OTUD7B: variants seen among roughly 807,000 people sequenced by gnomAD.
OTUD7B encodes OTU domain-containing protein 7B.
In OTUD7B, 34 loss-of-function variants were observed where a neutral mutation model predicts 82.2. That is an observed-to-expected ratio of 0.41 (90% CI 0.31 to 0.55). The LOEUF (loss-of-function observed/expected upper bound fraction) is 0.55, where lower values mean the gene tolerates loss of function less well. OTUD7B is among the 20% of genes least tolerant of loss of function. OTUD7B has a pLI of 0.20. For synonymous variants in OTUD7B, 398 were observed against 402.7 expected (o/e 0.99, Z 0.14); for missense variants, 944 against 1,062.1 (o/e 0.89, Z 1.55).
At chr1:150,037,413 C>A in the OTUD7B span, among the ~76,000 whole-genome samples, 1 of 152,046 alleles carries the variant, frequency 6.6e-6, no homozygotes, top group African/African-American at 2.4e-5. Context: ...AGAAAAGATA[C>A]ACGACATTTT....
intron 1 of OTUD7B, among the ~76,000 whole-genome samples, chr1:150,003,249 C>CA (rs11297514): frequency 0.69 from 81,431 of 117,540 alleles, 27,390 homozygotes; most frequent in Non-Finnish European, 0.74. Flanking sequence ...GACTCTGTCT[C>CA]AAAAAAAAAA....
At chr1:149,956,960 T>C (rs1016533630) in intron 7 of OTUD7B, among the ~76,000 whole-genome samples, 1 of 152,200 alleles carries the variant, frequency 6.6e-6, no homozygotes. Flanking sequence ...GGTTTTTAGC[T>C]TCTTTGCGAT....
chr1:150,010,095 G>A (rs183852759), intron 1 of OTUD7B, among the ~76,000 whole-genome samples: 6 of 152,118 alleles, frequency 3.9e-5, no homozygotes, highest in African/African-American at 1.4e-4. Context: ...TCCTACTGTG[G>A]GGATAATACA....
upstream of OTUD7B, among the ~76,000 whole-genome samples, chr1:150,012,127 G>T (rs1329101414): frequency 6.6e-6 from 1 of 152,156 alleles, no homozygotes; most frequent in Non-Finnish European, 1.5e-5. Context: ...AGCGTATAAG[G>T]GACCACAAAT....
At chr1:150,065,189 A>G in the OTUD7B span, among the ~76,000 whole-genome samples, 1 of 151,888 alleles carries the variant, frequency 6.6e-6, no homozygotes, top group African/African-American at 2.4e-5. Flanking sequence ...CTCCCATCTC[A>G]GCCTCCCAAG....
chr1:150,013,989 CATAT>C (rs1469027906), upstream of OTUD7B, among the ~76,000 whole-genome samples: 3 of 129,718 alleles, frequency 2.3e-5, no homozygotes, highest in Non-Finnish European at 5.0e-5. Flanking sequence ...TATACACACA[CATAT>C]ATACACACAT....
At chr1:150,028,033 T>C in the OTUD7B span, among the ~76,000 whole-genome samples, 1 of 152,224 alleles carries the variant, frequency 6.6e-6, no homozygotes, top group African/African-American at 2.4e-5. Context: ...TTCCCTTAAA[T>C]AGGAAAATTA....
At chr1:150,054,113 AAGG>A in the OTUD7B span, 5 of 378,560 alleles carry the variant, frequency 1.3e-5, no homozygotes, top group African/African-American at 2.1e-5. Flanking sequence ...TGAAAAGCAA[AAGG>A]AGAAGTTTCC....
the OTUD7B span, among the ~76,000 whole-genome samples, chr1:150,016,927 T>A: frequency 1.3e-5 from 2 of 152,144 alleles, no homozygotes; most frequent in African/African-American, 2.4e-5. Flanking sequence ...GTCTCCCCTG[T>A]CTCTAAGTTT....
chr1:150,032,043 G>A, the OTUD7B span, among the ~76,000 whole-genome samples: 1 of 152,152 alleles, frequency 6.6e-6, no homozygotes, highest in African/African-American at 2.4e-5. Flanking sequence ...AGGCACGGTG[G>A]CTCATGCCTG....
At position 149,944,591 on chromosome 1, in the gene OTUD7B, T is replaced by C. The variant is rs782741689; in HGVS notation, c.1798A>G (p.Arg600Gly). The change falls in exon 12 of 12, where the codon AGG becomes GGG. Residue 600 changes from arginine to glycine, a missense_variant. Physicochemically the swap from Arg to Gly is moderately radical, Grantham distance 125. Around this residue, in one of 3 missense-constraint regions of OTUD7B, gnomAD observed 412 missense variants for 418.7 expected, o/e 0.98. Coordinates refer to ENST00000581312, the MANE Select transcript of OTUD7B (RefSeq NM_020205.4). ...TTCCCCTCCCCTTGCATGGCAGTCCTCAGAATGCTCAGGCTCTGCATCACC... is the reference window on the plus strand; with the variant it reads ...TTCCCCTCCCCTTGCATGGCAGTCCCCAGAATGCTCAGGCTCTGCATCACC... ...QEVMQSLSIL[R>G]TAMQGEGKFI... is the part of the protein sequence containing the mutation. 5.6e-6 allele frequency: 9 copies of C among 1,614,128 alleles called. No homozygotes were observed. Among genetic ancestry groups the C allele is most frequent in the Non-Finnish European group, 7.6e-6 (9 of 1,180,024 alleles).
chr1:150,013,991 T>C (rs180907072), upstream of OTUD7B, among the ~76,000 whole-genome samples: 738 of 123,268 alleles, frequency 6.0e-3, 19 homozygotes, highest in African/African-American at 0.021. Context: ...TACACACACA[T>C]ATATACACAC....
chr1:149,958,220 G>A (rs73008186), intron 7 of OTUD7B, among the ~76,000 whole-genome samples: 3,184 of 151,892 alleles, frequency 0.021, 90 homozygotes, highest in African/African-American at 0.07. Flanking sequence ...CCCCCATCAC[G>A]GGGCTACCAC....
At chr1:150,043,833 A>G in the OTUD7B span, among the ~76,000 whole-genome samples, 22,753 of 152,228 alleles carry the variant, frequency 0.15, 1,877 homozygotes, top group African/African-American at 0.18. Context: ...GCCTGAGGCT[A>G]GGCACTATGG....
At chr1:150,027,850 A>T in the OTUD7B span, among the ~76,000 whole-genome samples, 1 of 152,016 alleles carries the variant, frequency 6.6e-6, no homozygotes, top group Non-Finnish European at 1.5e-5. Context: ...TAGAATAATT[A>T]AAAAACTGAC....
At chr1:149,951,667 C>G (rs1252223796) in intron 7 of OTUD7B, among the ~76,000 whole-genome samples, 1 of 152,136 alleles carries the variant, frequency 6.6e-6, no homozygotes, top group Non-Finnish European at 1.5e-5. Context: ...TGGGCCTTAC[C>G]TCTGTCCAAC....
rs183196048 is a variant in OTUD7B, at chr1:149,987,124, C to T, written c.-66-9548G>A. Among the ~76,000 whole-genome samples the T allele has an allele frequency of 1.1e-4, 16 of 152,324 alleles. No individual in the cohort carries two copies. In the East Asian group the frequency reaches 2.9e-3, roughly 28 times the overall value. On this transcript the variant is annotated intron_variant, in intron 1 of 11. Transcript: ENST00000581312. ...AGAACTTGGTATTGTTACTCCACAT[C>T]ACAGATGAAGATACTAAAGCTCACA...
the OTUD7B span, among the ~76,000 whole-genome samples, chr1:150,017,344 G>A: frequency 6.6e-6 from 1 of 152,174 alleles, no homozygotes; most frequent in Admixed American, 6.5e-5. Flanking sequence ...ATTAAAAAAG[G>A]GCCCTTGGCA....
At chr1:150,062,916 G>A in the OTUD7B span, among the ~76,000 whole-genome samples, 1 of 151,362 alleles carries the variant, frequency 6.6e-6, no homozygotes, top group South Asian at 2.1e-4. Context: ...GTTTCACCAT[G>A]TTGATCAGGC....
Sources: gnomAD v4.1 joint callset for allele counts (sites outside exome capture counted in the v4.1 genomes callset) on GRCh38, gnomAD v4.1.1 for gene constraint, gnomAD v4.1.1 regional missense constraint, MANE v1.5 for transcripts, NCBI Gene and HGNC (gene_info 2026-07-23, HGNC 2026-07-21) for gene names.